ELSPBP1: variants seen among roughly 807,000 people sequenced by gnomAD.
ELSPBP1 encodes epididymal sperm-binding protein 1.
Under a neutral mutation model 33.3 loss-of-function variants are expected in ELSPBP1, and 38 were observed. That is an observed-to-expected ratio of 1.14 (90% CI 0.88 to 1.50). The LOEUF (loss-of-function observed/expected upper bound fraction) is 1.50, where lower values mean the gene tolerates loss of function less well. Among genes scored for constraint, ELSPBP1 ranks in the 40% most tolerant of loss-of-function variants. The pLI is 0.00. For missense variants in ELSPBP1, 267 were observed against 263.5 expected (o/e 1.01, Z -0.09); for synonymous variants, 85 against 94.1 (o/e 0.90, Z 0.56).
chr19:47,997,388 G>GCA (rs1010873628), intron 1 of ELSPBP1, among the ~76,000 whole-genome samples: 1 of 152,028 alleles, frequency 6.6e-6, no homozygotes, highest in Non-Finnish European at 1.5e-5. Context: ...ACCTGTATAT[G>GCA]TGCACATATG....
At chr19:47,999,325 A>G (rs1966943675) in intron 1 of ELSPBP1, among the ~76,000 whole-genome samples, 2 of 151,748 alleles carry the variant, frequency 1.3e-5, no homozygotes, top group Non-Finnish European at 2.9e-5. Flanking sequence ...ACAATGTTGC[A>G]CCATCATCAC....
intron 4 of ELSPBP1, 91 bp from the exon 5 acceptor site, chr19:48,019,627 TG>T: frequency 7.8e-7 from 1 of 1,274,140 alleles, no homozygotes; most frequent in Non-Finnish European, 1.1e-6. Context: ...TTGCCTTTAA[TG>T]GGATAAAGCG....
intron 1 of ELSPBP1, among the ~76,000 whole-genome samples, chr19:47,995,865 G>C (rs924430938): frequency 1.3e-5 from 2 of 152,188 alleles, no homozygotes; most frequent in African/African-American, 2.4e-5. Flanking sequence ...TTTGAACCCT[G>C]GTTGGTTGGG....
intron 3 of ELSPBP1, among the ~76,000 whole-genome samples, chr19:48,014,673 TA>T (rs1422993422): frequency 9.3e-5 from 14 of 150,846 alleles, no homozygotes; most frequent in African/African-American, 3.2e-4. Context: ...TAAATTATAA[TA>T]ATAATAAAAT....
chr19:47,998,460 G>A (rs61362062), intron 1 of ELSPBP1, among the ~76,000 whole-genome samples: 6,767 of 148,392 alleles, frequency 0.046, 472 homozygotes, highest in African/African-American at 0.16. Context: ...TCAGGGATTG[G>A]GCTAATGAGC....
intron 1 of ELSPBP1, among the ~76,000 whole-genome samples, chr19:48,007,697 G>A (rs1226729007): frequency 1.3e-5 from 2 of 152,178 alleles, no homozygotes; most frequent in Non-Finnish European, 2.9e-5. Context: ...CTAAGGAGAT[G>A]AGTGTGATTC....
chr19:48,014,505 C>T (rs1967111107), intron 3 of ELSPBP1, among the ~76,000 whole-genome samples, 197 bp downstream of exon 3: 1 of 124,262 alleles, frequency 8.0e-6, no homozygotes. Flanking sequence ...AGGGGAACAT[C>T]ACACACCGGG....
At chr19:48,010,409 T>C (rs1192011400) in intron 2 of ELSPBP1, among the ~76,000 whole-genome samples, 1 of 152,216 alleles carries the variant, frequency 6.6e-6, no homozygotes, top group Non-Finnish European at 1.5e-5. Flanking sequence ...AATTATTCAG[T>C]ATACACTTAC....
intron 2 of ELSPBP1, among the ~76,000 whole-genome samples, chr19:48,009,267 C>T (rs918548087): frequency 2.6e-5 from 4 of 151,976 alleles, no homozygotes; most frequent in Admixed American, 1.3e-4. Context: ...AGAGAAGTAA[C>T]GGCATTTATC....
At chr19:48,014,092 C>G in intron 2 of ELSPBP1, 79 bp from the exon 3 acceptor site, 1 of 1,514,834 alleles carries the variant, frequency 6.6e-7, no homozygotes, top group East Asian at 2.3e-5. Context: ...CATATTAAAG[C>G]AAGAGCCAAA....
At chr19:48,010,349 T>TTGG (rs1300929499) in intron 2 of ELSPBP1, among the ~76,000 whole-genome samples, 1 of 152,198 alleles carries the variant, frequency 6.6e-6, no homozygotes, top group Non-Finnish European at 1.5e-5. Context: ...ACCCACATAC[T>TTGG]TGTGGTGAAA....
intron 1 of ELSPBP1, among the ~76,000 whole-genome samples, chr19:47,995,572 T>C (rs1966904864): frequency 1.3e-5 from 2 of 152,148 alleles, no homozygotes; most frequent in South Asian, 2.1e-4. Flanking sequence ...AAATATGTAA[T>C]AGAAGAGGTG....
chr19:48,024,620 G>A (rs116085250), intron 6 of ELSPBP1, among the ~76,000 whole-genome samples: 4 of 152,168 alleles, frequency 2.6e-5, no homozygotes, highest in Non-Finnish European at 4.4e-5. Context: ...TAACAGGGTA[G>A]ATATTAAAAA....
At chr19:48,014,013 C>A (rs1386313253) in intron 2 of ELSPBP1, among the ~76,000 whole-genome samples, 158 bp from the exon 3 acceptor site, 2 of 152,138 alleles carry the variant, frequency 1.3e-5, no homozygotes, top group African/African-American at 4.8e-5. Flanking sequence ...CCCCTCGTAC[C>A]ATGACCGTGG....
intron 1 of ELSPBP1, among the ~76,000 whole-genome samples, chr19:47,999,170 T>C (rs1966942172): frequency 6.6e-6 from 1 of 152,234 alleles, no homozygotes. Flanking sequence ...GGCATGATTG[T>C]TTACATTCCC....
At chr19:48,003,539 C>CT (rs34961390) in intron 1 of ELSPBP1, among the ~76,000 whole-genome samples, 47,822 of 138,626 alleles carry the variant, frequency 0.34, 8,463 homozygotes, top group South Asian at 0.42. Context: ...CACCCCTGCT[C>CT]TTTTTTTTTT....
At chr19:48,022,923 C>A (rs576937913) in intron 6 of ELSPBP1, among the ~76,000 whole-genome samples, 2 of 151,884 alleles carry the variant, frequency 1.3e-5, no homozygotes, top group Admixed American at 6.6e-5. Flanking sequence ...TGATAGCACA[C>A]ATCTGTAGTC....
chr19:48,005,026 G>A (rs546753048), intron 1 of ELSPBP1, among the ~76,000 whole-genome samples: 9 of 152,144 alleles, frequency 5.9e-5, no homozygotes, highest in Middle Eastern at 3.4e-3. Flanking sequence ...GCAAGACCTC[G>A]TCTCTACAAA....
chr19:48,020,825 A>G (rs1967191475), intron 5 of ELSPBP1, among the ~76,000 whole-genome samples: 2 of 152,322 alleles, frequency 1.3e-5, no homozygotes, highest in South Asian at 4.1e-4. Context: ...CCCAGTGGAA[A>G]GGAAAGGGAA....
Sources: allele counts gnomAD v4.1 joint callset (sites outside exome capture counted in the v4.1 genomes callset), GRCh38; gene constraint gnomAD v4.1.1; transcripts MANE v1.5; gene names NCBI Gene and HGNC (gene_info 2026-07-23, HGNC 2026-07-21).